Variants in OGN observed in about 807,000 individuals in gnomAD.
OGN encodes the protein osteoglycin.
In OGN, 19 loss-of-function variants were observed where a neutral mutation model predicts 30.8. The observed-to-expected ratio is 0.62, with a 90% CI of 0.43 to 0.90. OGN has a LOEUF of 0.90. OGN is among the 40% of genes least tolerant of loss of function. The probability of loss-of-function intolerance (pLI) is 0.00; values close to 1 mark genes in which losing one functional copy is unlikely to be tolerated. For missense variants in OGN, 283 were observed against 349.7 expected, an observed-to-expected ratio of 0.81 and a Z score of 1.52; for synonymous variants, 126 against 128.3, an observed-to-expected ratio of 0.98 and a Z score of 0.12.
At chr9:92,403,031 G>A (rs1347229213) in intron 2 of OGN, among the ~76,000 whole-genome samples, 1 of 151,932 alleles carries the variant, frequency 6.6e-6, no homozygotes, top group Non-Finnish European at 1.5e-5. Flanking sequence ...ATACTGTTTG[G>A]TTACCATAGA....
At chr9:92,404,656 G>T (rs1369367132), upstream of OGN, 1 of 1,256,086 alleles carries the variant, frequency 8.0e-7, no homozygotes, top group South Asian at 1.4e-5. Flanking sequence ...TTTCCATGTG[G>T]TAGAGATCTT....
rs749697394 is a variant in OGN, at chr9:92,390,587, T to TGTGTGTGCGCGCGC, written c.428-532_428-531insGCGCGCGCACACAC. Among the ~76,000 whole-genome samples, 264 of 141,910 alleles carry TGTGTGTGCGCGCGC rather than the reference T, an allele frequency of 1.9e-3. 1 individual carries two copies. The highest frequency in any genetic ancestry group is 3.4e-3 in the Non-Finnish European group (214 of 63,242). 93.1% of individuals were successfully genotyped at this position (141,910 alleles called of 152,430 possible). A position where few individuals can be genotyped will look rare whatever the true frequency, so the allele number is the denominator to read the frequency against. ...CAGTGTGTGTGTGTGTGTGTGTGTG[T>TGTGTGTGCGCGCGC]GCGCGCGCGCGTACTTGCGTGTGCA... is the stretch of plus-strand genomic sequence containing the variant. On this transcript the variant is annotated intron_variant, in intron 4 of 6. Coordinates refer to ENST00000375561, the MANE Select transcript of OGN (RefSeq NM_014057.5).
At chr9:92,400,302 A>G (rs1418631880) in intron 3 of OGN, among the ~76,000 whole-genome samples, 1 of 152,134 alleles carries the variant, frequency 6.6e-6, no homozygotes, top group African/African-American at 2.4e-5. Flanking sequence ...GGCACCTGCC[A>G]CCACGCCTGG....
chr9:92,396,761 G>T (rs981271964), intron 3 of OGN, among the ~76,000 whole-genome samples: 1 of 151,956 alleles, frequency 6.6e-6, no homozygotes, highest in African/African-American at 2.4e-5. Context: ...TAGAGACATG[G>T]TGTCACTATG....
At chr9:92,397,884 CAGAG>C (rs1842955506) in intron 3 of OGN, among the ~76,000 whole-genome samples, 2 of 152,198 alleles carry the variant, frequency 1.3e-5, no homozygotes, top group South Asian at 2.1e-4. Flanking sequence ...TAGAGATAAA[CAGAG>C]AGAAACATTT....
chr9:92,386,783 C>T (rs1842439491), intron 5 of OGN, among the ~76,000 whole-genome samples: 1 of 152,010 alleles, frequency 6.6e-6, no homozygotes, highest in African/African-American at 2.4e-5. Flanking sequence ...GAGGTTTCAC[C>T]ATGTTGGCTG....
At position 92,390,067 on chromosome 9, in the gene OGN, A is replaced by G. The variant is rs780874696; in HGVS notation, c.428-11T>C. ...GTCTTCTTAAGTTAGCTAGAGGGAA[A>G]AAAATATAAAAAACAACTACGTAAG... On this transcript the variant is annotated splice_polypyrimidine_tract_variant and intron_variant, in intron 4 of 6. Transcript: ENST00000375561. The G allele has an allele frequency of 2.1e-6, 3 of 1,454,592 alleles. No homozygotes were observed. Among genetic ancestry groups the G allele is most frequent in the Non-Finnish European group, 1.9e-6 (2 of 1,055,012 alleles). The allele number at this position is 1,454,592 out of a possible 1,614,324, so 90.1% of individuals were successfully genotyped here. A position where few individuals can be genotyped will look rare whatever the true frequency, so the allele number is the denominator to read the frequency against.
In OGN at chr9:92,385,705, C is replaced by T. The variant is rs367913185; in HGVS notation, c.812G>A (p.Arg271His). 18 of 1,614,022 alleles carry T rather than the reference C, an allele frequency of 1.1e-5. No individual in the cohort carries two copies. The highest frequency in any genetic ancestry group is 6.7e-5 in the African/African-American group (5 of 75,010). The change falls in exon 7 of 7, where the codon CGC (arginine) becomes CAC (histidine). Residue 271 changes from arginine to histidine, a missense_variant. Coordinates refer to ENST00000375561, the MANE Select transcript of OGN (RefSeq NM_014057.5). ...SYIRDRIEEI[R>H]LEGNPIVLGK... ...CAGGACGATTGGATTGCCCTCCAGG[C>T]GTATCTCTTCAATGCGGTCCCGGAT...
chr9:92,388,153 T>C (rs1415399541), intron 5 of OGN, among the ~76,000 whole-genome samples: 1 of 152,002 alleles, frequency 6.6e-6, no homozygotes. Flanking sequence ...TTTTGTGAAA[T>C]GTTGATCAGC....
chr9:92,395,061 A>G (rs1842839760), intron 3 of OGN, among the ~76,000 whole-genome samples: 1 of 152,012 alleles, frequency 6.6e-6, no homozygotes, highest in Non-Finnish European at 1.5e-5. Context: ...CTGACTTACA[A>G]TTAATTGCGT....
intron 5 of OGN, chr9:92,389,630 G>A (rs528538618): frequency 1.1e-5 from 4 of 370,224 alleles, no homozygotes; most frequent in Admixed American, 4.4e-5. Context: ...AAACAAAATA[G>A]TCCCATGAAA....
intron 5 of OGN, among the ~76,000 whole-genome samples, chr9:92,386,782 C>T (rs1468862587): frequency 4.6e-5 from 7 of 152,154 alleles, no homozygotes. Context: ...CGAGGTTTCA[C>T]CATGTTGGCT....
intron 5 of OGN, 91 bp from the exon 6 acceptor site, chr9:92,386,387 CTATA>C: frequency 1.3e-6 from 1 of 762,272 alleles, no homozygotes; most frequent in African/African-American, 1.7e-5. Flanking sequence ...GAGTATATGT[CTATA>C]TATACAGACT....
intron 3 of OGN, among the ~76,000 whole-genome samples, chr9:92,394,399 C>T (rs951247970): frequency 6.8e-6 from 1 of 146,832 alleles, no homozygotes; most frequent in Non-Finnish European, 1.5e-5. Context: ...TATGCCACCA[C>T]ACATGGCTAT....
intron 5 of OGN, among the ~76,000 whole-genome samples, chr9:92,388,165 C>T (rs1842511989): frequency 6.6e-6 from 1 of 151,236 alleles, no homozygotes; most frequent in Non-Finnish European, 1.5e-5. Flanking sequence ...TTGATCAGCT[C>T]CTTTTTTTTT....
chr9:92,387,035 G>C (rs899480734), intron 5 of OGN, among the ~76,000 whole-genome samples: 2 of 139,888 alleles, frequency 1.4e-5, no homozygotes, highest in African/African-American at 5.3e-5. Flanking sequence ...GCAACAGAGC[G>C]AGACTCTGTC....
intron 2 of OGN, among the ~76,000 whole-genome samples, chr9:92,401,851 G>A (rs1843126205): frequency 6.6e-6 from 1 of 152,034 alleles, no homozygotes; most frequent in Non-Finnish European, 1.5e-5. Flanking sequence ...AGATTACAGT[G>A]TATTATGTGG....
At chr9:92,392,944 CTT>C (rs1366910944) in intron 4 of OGN, 140 bp downstream of exon 4, 4 of 624,644 alleles carry the variant, frequency 6.4e-6, no homozygotes, top group Non-Finnish European at 1.1e-5. Flanking sequence ...AATGAATGGA[CTT>C]TTGTGAAACA....
chr9:92,394,985 T>C (rs1367272426), intron 3 of OGN, among the ~76,000 whole-genome samples: 2 of 152,230 alleles, frequency 1.3e-5, no homozygotes, highest in Non-Finnish European at 2.9e-5. Flanking sequence ...TTTATTTTAA[T>C]AGTCAAATTG....
Sources: allele counts gnomAD v4.1 joint callset (sites outside exome capture counted in the v4.1 genomes callset), GRCh38; gene constraint gnomAD v4.1.1; transcripts MANE v1.5; gene names NCBI Gene and HGNC (gene_info 2026-07-23, HGNC 2026-07-21).